MED12L: variants seen among roughly 807,000 people sequenced by gnomAD.
MED12L encodes the protein mediator complex subunit 12L.
Under a neutral mutation model 281.3 loss-of-function variants are expected in MED12L, and 60 were observed. That is an observed-to-expected ratio of 0.21 (90% confidence interval 0.17 to 0.26). The LOEUF (loss-of-function observed/expected upper bound fraction) is 0.26, where lower values mean the gene tolerates loss of function less well. Ranked by LOEUF, MED12L falls within the 10% of genes least tolerant of loss-of-function variation. The probability of loss-of-function intolerance (pLI) is 1.00; values close to 1 mark genes in which losing one functional copy is unlikely to be tolerated. For missense variants in MED12L, 2,146 were observed against 2,680.9 expected, an observed-to-expected ratio of 0.80 and a Z score of 4.41; for synonymous variants, 974 against 987.2, an observed-to-expected ratio of 0.99 and a Z score of 0.25.
At chr3:151,192,481 G>C in intron 14 of MED12L, 69 bp from the exon 15 acceptor site, 1 of 1,114,182 alleles carries the variant, frequency 9.0e-7, no homozygotes, top group Non-Finnish European at 1.3e-6. Flanking sequence ...CCACTGTCAT[G>C]TTTTAGCTTC....
chr3:151,199,268 A>T (rs928147855), intron 16 of MED12L: 2 of 1,614,012 alleles, frequency 1.2e-6, no homozygotes, highest in African/African-American at 2.7e-5. Flanking sequence ...ATTCTTCTGT[A>T]TAAAAGCCCA....
At chr3:151,254,017 T>TG (rs1737338498) in intron 16 of MED12L, among the ~76,000 whole-genome samples, 1 of 145,732 alleles carries the variant, frequency 6.9e-6, no homozygotes, top group Admixed American at 6.8e-5. Context: ...TTTTTGTTAA[T>TG]TTAAACTTTT....
chr3:151,294,968 G>A (rs754417431), intron 16 of MED12L: 9 of 1,613,970 alleles, frequency 5.6e-6, no homozygotes, highest in Non-Finnish European at 5.9e-6. Context: ...AAATGGAAAT[G>A]TCAGCGTCAT....
intron 16 of MED12L, among the ~76,000 whole-genome samples, chr3:151,259,623 G>T (rs9815520): frequency 0.5 from 75,994 of 152,020 alleles, 19,180 homozygotes; most frequent in Middle Eastern, 0.63. Context: ...ATAAACATCT[G>T]AAAATGAGCC....
rs1716689242 is a variant in MED12L at position 151,409,249 on chromosome 3, C to T, written c.5827C>T (p.Pro1943Ser). 6.3e-7 allele frequency: 1 copy of T among 1,591,740 alleles called. No individual in the cohort carries two copies. Among genetic ancestry groups the T allele is most frequent in the Non-Finnish European group, 8.5e-7 (1 of 1,173,142 alleles). ...CTTTGGCTTTGTTTTCCAGGGCCAG[C>T]CGGGGGACCAGGCTGCTCTCTTTGC... The part of the protein sequence containing the change: ...AQTRPFQQGQ[P>S]GDQAALFAAQ... The change falls in exon 40 of 45, where the codon CCG becomes TCG. Residue 1943 changes from proline (P) to serine (S), a missense_variant. Pro to Ser is a moderately conservative substitution (Grantham distance 74, BLOSUM62 -1). Transcript: ENST00000687756.
At chr3:151,243,785 A>G (rs934273139) in intron 16 of MED12L, among the ~76,000 whole-genome samples, 3 of 151,870 alleles carry the variant, frequency 2.0e-5, no homozygotes, top group African/African-American at 7.3e-5. Flanking sequence ...TTAAATGTAA[A>G]TGGACTAAAT....
rs1727595650 is a variant in MED12L, at chr3:151,213,684, C to G, written c.2250+20018C>G. 1.2e-6 allele frequency: 2 copies of G among 1,614,044 alleles called. No individual in the cohort carries two copies. The highest frequency in any genetic ancestry group is 1.3e-5 in the African/African-American group (1 of 74,902). ...ACTTAAGGTGGGACTTAAAGATTTTCTTTGTGATAGCAGTATAGAAAACGA... is the reference window on the plus strand; with the variant it reads ...ACTTAAGGTGGGACTTAAAGATTTTGTTTGTGATAGCAGTATAGAAAACGA... On this transcript the variant is annotated intron_variant, in intron 16 of 44. Transcript: ENST00000687756.
At chr3:151,116,569 A>G (rs1289899382) in intron 3 of MED12L, 127 bp downstream of exon 3, 1 of 626,874 alleles carries the variant, frequency 1.6e-6, no homozygotes, top group African/African-American at 1.8e-5. Context: ...CCCAAATACC[A>G]TGTATACCGT....
intron 11 of MED12L, among the ~76,000 whole-genome samples, chr3:151,177,685 G>T (rs1029760731): frequency 3.3e-5 from 5 of 151,620 alleles, no homozygotes; most frequent in South Asian, 4.2e-4. Context: ...TTTAAATGGG[G>T]TGTCACTACA....
chr3:151,403,193 G>T (rs1186900987), intron 39 of MED12L, among the ~76,000 whole-genome samples: 1 of 152,030 alleles, frequency 6.6e-6, no homozygotes, highest in Non-Finnish European at 1.5e-5. Flanking sequence ...TTAATTTAAT[G>T]GAAGTTTTTT....
At position 151,184,285 on chromosome 3, in the gene MED12L, T is replaced by C. The variant is rs16863232; in HGVS notation, c.1495-1045T>C. On this transcript the variant is annotated intron_variant, in intron 11 of 44. Transcript: ENST00000687756. ...TTATTCTGGGATTCTTGGATGGCTTTTCAGACTGCACAGACATTCCGAAAT... is the reference window on the plus strand; with the variant it reads ...TTATTCTGGGATTCTTGGATGGCTTCTCAGACTGCACAGACATTCCGAAAT... 2.6e-5 allele frequency among the ~76,000 whole-genome samples: 4 copies of C among 152,244 alleles called. No individual in the cohort carries two copies. The East Asian group carries it at 7.7e-4, about 29-fold the overall frequency.
chr3:151,250,177 C>T (rs539677139), intron 16 of MED12L, among the ~76,000 whole-genome samples: 2 of 152,302 alleles, frequency 1.3e-5, no homozygotes, highest in African/African-American at 4.8e-5. Flanking sequence ...GTCCTCAGCA[C>T]TTATCTAGAA....
intron 5 of MED12L, among the ~76,000 whole-genome samples, chr3:151,138,423 A>G (rs879279195): frequency 6.6e-6 from 1 of 152,222 alleles, no homozygotes; most frequent in Non-Finnish European, 1.5e-5. Flanking sequence ...AATATGATAC[A>G]TTTATTATAA....
rs1350122570 is a variant in MED12L, at chr3:151,372,753, C to T, written c.3851C>T (p.Thr1284Ile). The T allele has an allele frequency of 1.2e-6, 2 of 1,611,972 alleles. No individual in the cohort carries two copies. Among genetic ancestry groups the T allele is most frequent in the African/African-American group, 2.7e-5 (2 of 74,854 alleles). Residue 1284 changes from threonine to isoleucine, a missense_variant, in exon 27 of 45, where the codon ACT becomes ATT. Physicochemically the swap from Thr to Ile is moderately conservative, Grantham distance 89 (BLOSUM62 -1). Around this residue, in one of 9 missense-constraint regions of MED12L, gnomAD observed 235 missense variants for 260.3 expected, o/e 0.90. Transcript: ENST00000687756. ...GAATACGCTAGATATGTACTGAGGACTATCTGTCAACAGGTATTCTAATTT... is the reference window on the plus strand; with the variant it reads ...GAATACGCTAGATATGTACTGAGGATTATCTGTCAACAGGTATTCTAATTT... ...LREYARYVLR[T>I]ICQQEWVGEH...
chr3:151,136,604 C>T (rs747466945), intron 5 of MED12L, among the ~76,000 whole-genome samples: 2 of 152,184 alleles, frequency 1.3e-5, no homozygotes, highest in South Asian at 2.1e-4. Context: ...ACTTTGGTAC[C>T]TGCAGCTATT....
In MED12L at chr3:151,411,363, C is replaced by T. The variant is rs1213694125; in HGVS notation, c.5996C>T (p.Ser1999Phe). 4 of 1,614,200 alleles carry T rather than the reference C, an allele frequency of 2.5e-6. No homozygotes were observed. The highest frequency in any genetic ancestry group is 2.5e-6 in the Non-Finnish European group (3 of 1,180,038). The change falls in exon 41 of 45, where the codon TCT becomes TTT. Residue 1999 changes from serine (S) to phenylalanine (F), a missense_variant. Coordinates refer to ENST00000687756, the MANE Select transcript of MED12L (RefSeq NM_001393769.1). Reference sequence around the variant, plus strand: ...CAGCAGGCTGGCAGTGTGGTCCTGTCTCCCAGCTATAACTCCAGAGCCTAT... The same window carrying T: ...CAGCAGGCTGGCAGTGTGGTCCTGTTTCCCAGCTATAACTCCAGAGCCTAT... ...SQQQAGSVVL[S>F]PSYNSRAYPA...
rs539562188 is a variant in MED12L, at chr3:151,223,230, T to C, written c.2250+29564T>C. ...GATTGCAGAAAAAAGAGAACACTTA[T>C]GTACTCTTGTGGGATTGTAAATTAG... On this transcript the variant is annotated intron_variant, in intron 16 of 44. Transcript: ENST00000687756. Among the ~76,000 whole-genome samples the C allele has an allele frequency of 2.5e-4, 20 of 78,726 alleles. No individual in the cohort carries two copies. In the East Asian group the frequency reaches 4.6e-3, roughly 18 times the overall value. The allele number at this position is 78,726 out of a possible 152,430, so 51.6% of individuals were successfully genotyped here.
Position 151,422,577 on chromosome 3 carries a change from A to C in MED12L, c.6408+6155A>C, listed in dbSNP as rs182958435. ...CGTTTTCACTTTTTATAAGGACACC[A>C]GTCATATTGGTTTAGGTCCCATCCT... On this transcript the variant is annotated intron_variant, in intron 43 of 44. Transcript: ENST00000687756. 1.7e-3 allele frequency among the ~76,000 whole-genome samples: 265 copies of C among 152,322 alleles called. 2 individuals are homozygous for C. The highest frequency in any genetic ancestry group is 6.1e-3 in the African/African-American group (255 of 41,570).
chr3:151,319,450 G>GGTGT (rs745624176), intron 16 of MED12L, among the ~76,000 whole-genome samples: 16 of 127,016 alleles, frequency 1.3e-4, no homozygotes, highest in South Asian at 2.6e-4. Context: ...AGAACATCCA[G>GGTGT]GTGTGTGTGT....
Sources: gnomAD v4.1 joint callset for allele counts (sites outside exome capture counted in the v4.1 genomes callset) on GRCh38, gnomAD v4.1.1 for gene constraint, gnomAD v4.1.1 regional missense constraint, MANE v1.5 for transcripts, NCBI Gene and HGNC (gene_info 2026-07-23, HGNC 2026-07-21) for gene names.